Variants in FCSK observed in about 807,000 individuals in gnomAD.
The protein encoded by FCSK is fucose kinase, also known as L-fucose kinase.
A neutral mutation model predicts 122.5 loss-of-function variants in FCSK; 123 were observed. The observed-to-expected ratio is 1.00, with a 90% CI of 0.87 to 1.17. FCSK has a LOEUF of 1.17. FCSK is among the 50% of genes most tolerant of loss of function. FCSK has a pLI of 0.00. For missense variants in FCSK, 1,366 were observed against 1,450.4 expected, an observed-to-expected ratio of 0.94 and a Z score of 0.95; for synonymous variants, 620 against 625.5, an observed-to-expected ratio of 0.99 and a Z score of 0.13.
chr16:70,474,011 C>T, intron 15 of FCSK, 118 bp from the exon 16 acceptor site: 3 of 922,630 alleles, frequency 3.3e-6, no homozygotes, highest in Non-Finnish European at 5.0e-6. Flanking sequence ...ACATTGTGGG[C>T]AAAAGCCAGG....
rs749306755 is a variant in FCSK, at chr16:70,479,422, T to C, written c.3153+19T>C. On this transcript the variant is annotated intron_variant, in intron 23 of 23. Transcript: ENST00000288078. ...GACCGAGGTACTGATGGGGCTGGGG[T>C]TGGTAAAGAGACCTCTGGGGGCAAG... is the stretch of plus-strand genomic sequence containing the variant. 2 of 1,603,146 alleles carry C rather than the reference T, an allele frequency of 1.2e-6. No individual in the cohort carries two copies. Among genetic ancestry groups the C allele is most frequent in the Non-Finnish European group, 1.7e-6 (2 of 1,173,564 alleles).
rs17881219 is a variant in FCSK at position 70,470,982 on chromosome 16, T to C, written c.1080T>C (p.Leu360=). ...IVHSQVEEQQ[L]LAAGSSVVSC... ...ACCTGGCTGCACAGGAGCAGCAGCT[T>C]CTGGCGGCCGGGAGCTCTGTGGTCA... The change falls in exon 12 of 24, where the codon CTT becomes CTC. Residue 360 remains leucine (L), a synonymous_variant. Coordinates refer to ENST00000288078, the MANE Select transcript of FCSK (RefSeq NM_145059.3). 25,770 of 1,589,836 alleles carry C rather than the reference T, an allele frequency of 0.016. 3,569 individuals are homozygous for C. In the African/African-American group the frequency reaches 0.3, roughly 18 times the overall value.
At position 70,479,719 on chromosome 16, in the gene FCSK, A is replaced by G; in HGVS notation, c.*39A>G. 1 of 1,536,692 alleles carries G rather than the reference A, an allele frequency of 6.5e-7. No individual in the cohort carries two copies. Among genetic ancestry groups the G allele is most frequent in the Non-Finnish European group, 9.0e-7 (1 of 1,114,196 alleles). On this transcript the variant is annotated 3_prime_UTR_variant, in exon 24 of 24. Transcript: ENST00000288078. ...CTGCAACAGGAGAAAACCTGGAGCT[A>G]CAGTGTCCCCCACCTTCCTTGCCCC...
At chr16:70,478,204 G>A (rs2048875011) in intron 20 of FCSK, 68 bp from the exon 21 acceptor site, 1 of 1,540,820 alleles carries the variant, frequency 6.5e-7, no homozygotes, top group African/African-American at 1.4e-5. Context: ...TGCAGGGCCG[G>A]GAGCCTAGGC....
At chr16:70,470,944 T>C in intron 11 of FCSK, 27 bp from the exon 12 acceptor site, 1 of 1,550,648 alleles carries the variant, frequency 6.4e-7, no homozygotes. Flanking sequence ...TCGACCCCCC[T>C]CATGCTCCTC....
At chr16:70,478,197 A>T in intron 20 of FCSK, 75 bp from the exon 21 acceptor site, 1 of 1,476,486 alleles carries the variant, frequency 6.8e-7, no homozygotes, top group Non-Finnish European at 9.3e-7. Flanking sequence ...CAAGGGGTGC[A>T]GGGCCGGGAG....
Position 70,479,241 on chromosome 16 carries a change from T to C in FCSK, c.2991T>C (p.Ala997=). 6.2e-7 allele frequency: 1 copy of C among 1,613,852 alleles called. No homozygotes were observed. Among genetic ancestry groups the C allele is most frequent in the Non-Finnish European group, 8.5e-7 (1 of 1,180,026 alleles). ...TSYWEQKKLM[A]PGCEPLTVRR... ...ACTGGGAGCAGAAGAAGCTCATGGCTCCAGGCTGTGAGCCCCTGACTGTGC... is the reference window on the plus strand; with the variant it reads ...ACTGGGAGCAGAAGAAGCTCATGGCCCCAGGCTGTGAGCCCCTGACTGTGC... The change falls in exon 23 of 24, where the codon GCT becomes GCC. Residue 997 remains alanine (A), a synonymous_variant. Transcript: ENST00000288078.
intron 11 of FCSK, 81 bp from the exon 12 acceptor site, chr16:70,470,890 C>T: frequency 7.7e-7 from 1 of 1,292,054 alleles, no homozygotes; most frequent in East Asian, 2.5e-5. Flanking sequence ...ACGCTTTGCC[C>T]CTGGATGCTT....
At chr16:70,478,710 G>T (rs915792967) in intron 22 of FCSK, 60 bp downstream of exon 22, 5 of 1,431,320 alleles carry the variant, frequency 3.5e-6, no homozygotes, top group South Asian at 3.5e-5. Flanking sequence ...TCACTTGTGG[G>T]TTTGAGGCCA....
intron 1 of FCSK, among the ~76,000 whole-genome samples, chr16:70,461,396 G>T (rs564204909): frequency 1.3e-5 from 2 of 152,192 alleles, no homozygotes; most frequent in East Asian, 1.9e-4. Context: ...ACTCGGTCTC[G>T]GGGAGGCCAG....
intron 4 of FCSK, 92 bp downstream of exon 4, chr16:70,465,268 G>T (rs894252612): frequency 2.3e-5 from 29 of 1,241,538 alleles, no homozygotes; most frequent in African/African-American, 9.0e-5. Context: ...GCCACTGTGT[G>T]TGTGCAAGAT....
intron 20 of FCSK, 34 bp from the exon 21 acceptor site, chr16:70,478,238 T>C (rs768440600): frequency 1.9e-5 from 31 of 1,607,492 alleles, no homozygotes; most frequent in South Asian, 1.0e-4. Context: ...CTGGGCCAGA[T>C]AGACTCCAAC....
Position 70,467,958 on chromosome 16 carries a change from G to T in FCSK, c.655G>T (p.Val219Leu). 6.2e-7 allele frequency: 1 copy of T among 1,613,900 alleles called. No homozygotes were observed. ...GCGGTGTGTCAGGCCTGATGGGCGG[G>T]TGCCACTGGTATGGCTGCTGGGCCC... is the stretch of plus-strand genomic sequence containing the variant. ...IQRCVRPDGR[V>L]PLVSGVVFFS... Residue 219 changes from valine (V) to leucine (L), a missense_variant, in exon 8 of 24, where the codon GTG becomes TTG. Transcript: ENST00000288078.
chr16:70,479,563 T>G lies in FCSK; in HGVS notation c.3154-16T>G. ...GATTTGTCCAGAGCCTTCTAAATAC[T>G]TCCTGTCTTGTCCAGGGCCTTGGGA... is the stretch of plus-strand genomic sequence containing the variant. On this transcript the variant is annotated splice_polypyrimidine_tract_variant and intron_variant, in intron 23 of 23. Coordinates refer to ENST00000288078, the MANE Select transcript of FCSK (RefSeq NM_145059.3). 6.2e-7 allele frequency: 1 copy of G among 1,610,240 alleles called. No individual in the cohort carries two copies. The highest frequency in any genetic ancestry group is 1.1e-5 in the South Asian group (1 of 90,750).
intron 20 of FCSK, chr16:70,478,008 T>C: frequency 4.1e-6 from 2 of 488,760 alleles, no homozygotes; most frequent in Non-Finnish European, 7.3e-6. Flanking sequence ...TATTCTTCAG[T>C]GTGGTTTATC....
intron 1 of FCSK, among the ~76,000 whole-genome samples, chr16:70,461,726 C>G (rs1255131863): frequency 6.6e-6 from 1 of 152,188 alleles, no homozygotes; most frequent in Non-Finnish European, 1.5e-5. Flanking sequence ...CTTCCTTTCC[C>G]CCTTGCTTTG....
Position 70,474,124 on chromosome 16 carries a change from C to G in FCSK, c.1778-5C>G. On this transcript the variant is annotated splice_polypyrimidine_tract_variant and splice_region_variant and intron_variant, in intron 15 of 23. Coordinates refer to ENST00000288078, the MANE Select transcript of FCSK (RefSeq NM_145059.3). ...CCCTGCCACCCCCAACTCCTTGTCC[C>G]TCAGTTGCAGCTGGGGCAGGAGACC... is the stretch of plus-strand genomic sequence containing the variant. The G allele has an allele frequency of 1.3e-6, 2 of 1,549,100 alleles. No individual in the cohort carries two copies. Among genetic ancestry groups the G allele is most frequent in the Non-Finnish European group, 1.7e-6 (2 of 1,146,496 alleles).
At chr16:70,478,188 A>T in intron 20 of FCSK, 84 bp from the exon 21 acceptor site, 5 of 1,392,394 alleles carry the variant, frequency 3.6e-6, no homozygotes, top group Non-Finnish European at 5.0e-6. Context: ...TGGTCCCAGC[A>T]AGGGGTGCAG....
rs77261233 is a variant in FCSK, at chr16:70,457,621, C to T, written c.-23+2991C>T. On this transcript the variant is annotated intron_variant, in intron 1 of 23. Transcript: ENST00000288078. Reference sequence around the variant, plus strand: ...CTCAGACAGGGTCTGGCTTTGTTACCCAGGGTGGAATGTATTGGTGCCAGT... The same window carrying T: ...CTCAGACAGGGTCTGGCTTTGTTACTCAGGGTGGAATGTATTGGTGCCAGT... Among the ~76,000 whole-genome samples the T allele has an allele frequency of 6.7e-3, 1,013 of 151,784 alleles. 19 individuals are homozygous for T. The highest frequency in any genetic ancestry group is 0.023 in the African/African-American group (961 of 41,380).
Sources: gnomAD v4.1 joint callset for allele counts (sites outside exome capture counted in the v4.1 genomes callset) on GRCh38, gnomAD v4.1.1 for gene constraint, MANE v1.5 for transcripts, NCBI Gene and HGNC (gene_info 2026-07-23, HGNC 2026-07-21) for gene names.